Variants in RAD23B observed in about 807,000 individuals in gnomAD.
The protein encoded by RAD23B is lysine-specific demethylase RAD23B.
Under a neutral mutation model 49.1 loss-of-function variants are expected in RAD23B, and 5 were observed. The observed-to-expected ratio is 0.10, with a 90% CI of 0.05 to 0.21. The LOEUF (loss-of-function observed/expected upper bound fraction) is 0.21. Among genes scored for constraint, RAD23B ranks in the 10% least tolerant of loss-of-function variants. The probability of loss-of-function intolerance (pLI) is 1.00; values close to 1 mark genes in which losing one functional copy is unlikely to be tolerated. For missense variants in RAD23B, 356 were observed against 486.7 expected (o/e 0.73, Z 2.53); for synonymous variants, 184 against 165.4 (o/e 1.11, Z -0.86).
intron 1 of RAD23B, among the ~76,000 whole-genome samples, chr9:107,297,620 G>A (rs1488423832): frequency 2.0e-5 from 3 of 152,018 alleles, no homozygotes; most frequent in African/African-American, 7.3e-5. Flanking sequence ...TTACAGGCGT[G>A]AACCACTGTG....
chr9:107,304,893 C>T (rs1826728980), intron 3 of RAD23B, among the ~76,000 whole-genome samples: 1 of 152,164 alleles, frequency 6.6e-6, no homozygotes, highest in Admixed American at 6.5e-5. Flanking sequence ...TAATAGCCTA[C>T]TCTTGACCAG....
At chr9:107,319,366 G>A (rs927475067) in intron 6 of RAD23B, among the ~76,000 whole-genome samples, 2 of 151,950 alleles carry the variant, frequency 1.3e-5, no homozygotes, top group African/African-American at 4.8e-5. Context: ...TCCTGACCTC[G>A]TGATCCGCCC....
intron 2 of RAD23B, among the ~76,000 whole-genome samples, chr9:107,300,854 G>T (rs1826635619): frequency 6.6e-6 from 1 of 152,120 alleles, no homozygotes; most frequent in Admixed American, 6.5e-5. Context: ...ATCACCCATG[G>T]ATTCTTCTCT....
chr9:107,322,591 T>G (rs567968236), intron 7 of RAD23B, among the ~76,000 whole-genome samples: 48 of 152,362 alleles, frequency 3.2e-4, no homozygotes, highest in African/African-American at 1.2e-3. Context: ...GTCTCTTTAC[T>G]GGGGTGCTGA....
chr9:107,305,850 C>CT (rs1234534252), intron 3 of RAD23B, among the ~76,000 whole-genome samples: 1 of 151,708 alleles, frequency 6.6e-6, no homozygotes, highest in Admixed American at 6.6e-5. Flanking sequence ...TAGTTTATGC[C>CT]TGTAATCCTA....
chr9:107,323,848 G>A (rs1421084729), intron 7 of RAD23B, 42 bp from the exon 8 acceptor site: 18 of 1,537,048 alleles, frequency 1.2e-5, no homozygotes, highest in Non-Finnish European at 1.6e-5. Flanking sequence ...GTTTGTGTAT[G>A]TATTTACTGC....
chr9:107,322,080 C>T lies in RAD23B; in HGVS notation c.779C>T (p.Ala260Val). 6.2e-7 allele frequency: 1 copy of T among 1,610,678 alleles called. No homozygotes were observed. Among genetic ancestry groups the T allele is most frequent in the East Asian group, 2.2e-5 (1 of 44,650 alleles). The change falls in exon 7 of 10, where the codon GCA becomes GTA. Residue 260 changes from alanine (A) to valine (V), a missense_variant. Ala to Val is a moderately conservative substitution (Grantham distance 64, BLOSUM62 0). Around this residue, in one of 5 missense-constraint regions of RAD23B, gnomAD observed 148 missense variants for 231.7 expected, o/e 0.64. Transcript: ENST00000358015. ...PQSSAVAAAAATTTATTTTTS... is the reference protein window; with the variant it reads ...PQSSAVAAAAVTTTATTTTTS... ...TCTTCAGCAGTGGCTGCAGCTGCAG[C>T]AACTACGACAGCAACAACTACAACA...
intron 5 of RAD23B, among the ~76,000 whole-genome samples, chr9:107,315,633 C>T (rs113262644): frequency 0.022 from 3,347 of 152,146 alleles, 117 homozygotes; most frequent in African/African-American, 0.074. Context: ...CCTGCCTCAG[C>T]CTTCCAAGTA....
chr9:107,283,615 C>T lies in RAD23B; in HGVS notation c.-15C>T, dbSNP rs765305873. The T allele has an allele frequency of 1.9e-5, 28 of 1,472,152 alleles. No homozygotes were observed. The African/African-American group carries it at 3.1e-4, about 16-fold the overall frequency. The allele number at this position is 1,472,152 out of a possible 1,614,324, so 91.2% of individuals were successfully genotyped here. A position where few individuals can be genotyped will look rare whatever the true frequency, so the allele number is the denominator to read the frequency against. On this transcript the variant is annotated 5_prime_UTR_variant, in exon 1 of 10. Coordinates refer to ENST00000358015, the MANE Select transcript of RAD23B (RefSeq NM_002874.5). ...ACCCGGCGCAGGCCCGGCAGCCGAG[C>T]TGCGCGGCGGCACCATGCAGGTCAC...
intron 6 of RAD23B, among the ~76,000 whole-genome samples, chr9:107,319,313 A>G (rs10816491): frequency 0.16 from 23,787 of 151,378 alleles, 2,336 homozygotes; most frequent in Admixed American, 0.23. Context: ...TTGTATTTTT[A>G]GTAAGATGGG....
chr9:107,295,478 T>TGA (rs752278846), intron 1 of RAD23B, among the ~76,000 whole-genome samples: 2 of 152,086 alleles, frequency 1.3e-5, no homozygotes, highest in Non-Finnish European at 2.9e-5. Context: ...ATTTAATAGG[T>TGA]GAGAAGGAGA....
At chr9:107,307,943 A>T (rs1564246367) in intron 4 of RAD23B, among the ~76,000 whole-genome samples, 2 of 152,192 alleles carry the variant, frequency 1.3e-5, no homozygotes, top group East Asian at 3.9e-4. Flanking sequence ...ATCCTAGTGG[A>T]TACCACCTAG....
intron 1 of RAD23B, among the ~76,000 whole-genome samples, chr9:107,297,813 C>T (rs1255398491): frequency 1.3e-5 from 2 of 151,024 alleles, no homozygotes; most frequent in Non-Finnish European, 2.9e-5. Flanking sequence ...CTTATTTAAG[C>T]GTTTTGAAAT....
intron 8 of RAD23B, among the ~76,000 whole-genome samples, chr9:107,324,576 T>C (rs1026251668): frequency 9.9e-5 from 15 of 152,152 alleles, no homozygotes; most frequent in Non-Finnish European, 1.6e-4. Flanking sequence ...GTTTTTTGTT[T>C]GTTTTGTTTT....
chr9:107,288,944 G>A (rs375895915), intron 1 of RAD23B, among the ~76,000 whole-genome samples: 12 of 151,970 alleles, frequency 7.9e-5, no homozygotes, highest in African/African-American at 2.9e-4. Context: ...TTAGGCTAGG[G>A]GTTTTCAGGG....
chr9:107,302,233 C>T, intron 3 of RAD23B, 119 bp downstream of exon 3: 1 of 1,314,772 alleles, frequency 7.6e-7, no homozygotes, highest in South Asian at 2.5e-5. Flanking sequence ...CACTTAACTA[C>T]TATGAAAGGT....
At position 107,331,771 on chromosome 9, in the gene RAD23B, ATACTAGGATT is replaced by A; in HGVS notation, c.*2116_*2125del. On this transcript the variant is annotated 3_prime_UTR_variant, in exon 10 of 10. Transcript: ENST00000358015. ...GTGTCCTTGGACAACAAATCTGGATATACTAGGATTAATTATCAGAAGACAGCTCAGGCCA... is the reference window on the plus strand; with the variant it reads ...GTGTCCTTGGACAACAAATCTGGATAAATTATCAGAAGACAGCTCAGGCCA... The A allele has an allele frequency of 2.6e-6, 2 of 771,930 alleles. No homozygotes were observed. Among genetic ancestry groups the A allele is most frequent in the Non-Finnish European group, 4.8e-6 (2 of 415,914 alleles). 47.8% of individuals were successfully genotyped at this position (771,930 alleles called of 1,614,324 possible). A position where few individuals can be genotyped will look rare whatever the true frequency, so the allele number is the denominator to read the frequency against.
At chr9:107,285,480 G>A (rs1198989067) in intron 1 of RAD23B, among the ~76,000 whole-genome samples, 1 of 152,214 alleles carries the variant, frequency 6.6e-6, no homozygotes, top group African/African-American at 2.4e-5. Context: ...AAGTTATGCA[G>A]TGACTCTGTC....
chr9:107,284,096 A>T, intron 1 of RAD23B: 1 of 1,002,714 alleles, frequency 1.0e-6, no homozygotes, highest in Non-Finnish European at 1.2e-6. Flanking sequence ...CCCTGTGTGG[A>T]CCTGGTTAGC....
Sources: allele counts gnomAD v4.1 joint callset (sites outside exome capture counted in the v4.1 genomes callset), GRCh38; gene constraint gnomAD v4.1.1; regional missense constraint gnomAD v4.1.1; transcripts MANE v1.5; gene names NCBI Gene and HGNC (gene_info 2026-07-23, HGNC 2026-07-21).